Variants in IDO2 observed in about 807,000 individuals in gnomAD.
IDO2 encodes indoleamine 2,3-dioxygenase-like 1 protein.
Under a neutral mutation model 45.1 loss-of-function variants are expected in IDO2, and 46 were observed. The observed-to-expected ratio is 1.02, with a 90% CI of 0.80 to 1.30. IDO2 has a LOEUF of 1.30. Ranked by LOEUF, IDO2 falls within the 50% of genes most tolerant of loss-of-function variation. The pLI is 0.00. For synonymous variants in IDO2, 218 were observed against 184.9 expected, an observed-to-expected ratio of 1.18 and a Z score of -1.45; for missense variants, 544 against 491.8, an observed-to-expected ratio of 1.11 and a Z score of -1.00.
At chr8:39,943,667 G>A (rs1807683810) in intron 1 of IDO2, among the ~76,000 whole-genome samples, 1 of 150,316 alleles carries the variant, frequency 6.7e-6, no homozygotes, top group Non-Finnish European at 1.5e-5. Flanking sequence ...AACCCCGGGG[G>A]GCGGAGCCTG....
chr8:39,970,564 G>T (rs972573817), intron 3 of IDO2, among the ~76,000 whole-genome samples: 22 of 152,136 alleles, frequency 1.4e-4, no homozygotes, highest in African/African-American at 4.6e-4. Context: ...ACTAATTTTT[G>T]TATCTTTGGT....
chr8:39,985,499 T>C lies in IDO2; in HGVS notation c.435-9T>C, dbSNP rs774134044. 17 of 1,563,050 alleles carry C rather than the reference T, an allele frequency of 1.1e-5. No individual in the cohort carries two copies. The highest frequency in any genetic ancestry group is 1.5e-5 in the Non-Finnish European group (17 of 1,152,200). ...TCTTGGTGGTCATCAATAACTGAAA[T>C]TGGGCTAGATTCCTGGAAATTGGGT... On this transcript the variant is annotated splice_polypyrimidine_tract_variant and intron_variant, in intron 5 of 10. Transcript: ENST00000502986.
At chr8:39,984,541 T>C (rs2129594575) in intron 5 of IDO2, among the ~76,000 whole-genome samples, 1 of 152,010 alleles carries the variant, frequency 6.6e-6, no homozygotes, top group African/African-American at 2.4e-5. Context: ...GGAGTAAGAG[T>C]GAAGGGCTAG....
intron 1 of IDO2, among the ~76,000 whole-genome samples, chr8:39,945,553 CA>C (rs2129593150): frequency 6.6e-6 from 1 of 152,208 alleles, no homozygotes; most frequent in East Asian, 1.9e-4. Flanking sequence ...TGTTTGATAC[CA>C]GGGGTAGAGG....
chr8:39,976,614 C>T (rs1163097664), intron 3 of IDO2, among the ~76,000 whole-genome samples: 1 of 152,148 alleles, frequency 6.6e-6, no homozygotes, highest in Non-Finnish European at 1.5e-5. Flanking sequence ...ATAGTGCAAA[C>T]ATGTTGCCCT....
chr8:39,987,639 T>A (rs1182941885), intron 6 of IDO2: 1 of 486,076 alleles, frequency 2.1e-6, no homozygotes, highest in Admixed American at 3.2e-5. Context: ...AGGGCCATGC[T>A]AGACATTGGG....
rs192007253 is a variant in IDO2, at chr8:40,001,694, A to T, written c.668-3633A>T. 3.9e-4 allele frequency among the ~76,000 whole-genome samples: 59 copies of T among 152,184 alleles called. 1 individual carries two copies. Among genetic ancestry groups the T allele is most frequent in the Admixed American group, 3.8e-3 (58 of 15,270 alleles). On this transcript the variant is annotated intron_variant, in intron 8 of 10. Transcript: ENST00000502986. ...ATGCCTTTTGAAAGTAAAAGTTCTTAATTTAAATATAGCCAACCTGTAAAT... is the reference window on the plus strand; with the variant it reads ...ATGCCTTTTGAAAGTAAAAGTTCTTTATTTAAATATAGCCAACCTGTAAAT...
At chr8:39,962,111 CT>C (rs1447752046) in intron 2 of IDO2, among the ~76,000 whole-genome samples, 5 of 152,200 alleles carry the variant, frequency 3.3e-5, no homozygotes, top group African/African-American at 1.2e-4. Flanking sequence ...ATGTAGTTTA[CT>C]GTCCCTTGGG....
chr8:40,006,757 T>G (rs1053406182), intron 9 of IDO2, among the ~76,000 whole-genome samples: 2 of 152,080 alleles, frequency 1.3e-5, no homozygotes, highest in African/African-American at 4.8e-5. Context: ...GCCTCCTGGA[T>G]TCAAACTACT....
rs1473418537 is a variant in IDO2 at position 40,009,516 on chromosome 8, A to G, written c.720-4049A>G. 3.3e-5 allele frequency among the ~76,000 whole-genome samples: 5 copies of G among 152,124 alleles called. No homozygotes were observed. The South Asian group carries it at 8.3e-4, about 25-fold the overall frequency. On this transcript the variant is annotated intron_variant, in intron 9 of 10. Coordinates refer to ENST00000502986, the Ensembl canonical transcript of IDO2. The stretch of plus-strand genomic sequence containing the variant: ...CTTGGGGTTGCTAGAAAGTTGCTAC[A>G]AGAAAGGCTAAAAATAATTGTGCCT...
chr8:39,965,685 TA>T (rs1808074403), intron 3 of IDO2, among the ~76,000 whole-genome samples: 1 of 152,052 alleles, frequency 6.6e-6, no homozygotes, highest in Non-Finnish European at 1.5e-5. Context: ...AGTGTCCTTA[TA>T]AGAAGAGGAA....
intron 4 of IDO2, among the ~76,000 whole-genome samples, chr8:39,980,211 A>T (rs762373379): frequency 3.9e-5 from 6 of 152,218 alleles, no homozygotes; most frequent in African/African-American, 7.2e-5. Context: ...ATAATCCTGT[A>T]AAGTAACAAG....
chr8:39,949,140 T>C lies in IDO2; in HGVS notation c.-17-9T>C, dbSNP rs1414336955. The C allele has an allele frequency of 1.3e-6, 2 of 1,592,804 alleles. No individual in the cohort carries two copies. The highest frequency in any genetic ancestry group is 1.1e-5 in the South Asian group (1 of 87,740). ...AACAATTGATTCTTCAGTGACACTT[T>C]CCATGCAGATACTTCAAACAAAATA... On this transcript the variant is annotated splice_polypyrimidine_tract_variant and intron_variant, in intron 1 of 10. Transcript: ENST00000502986.
chr8:39,988,997 T>A (rs1808463643), intron 7 of IDO2, among the ~76,000 whole-genome samples: 1 of 152,072 alleles, frequency 6.6e-6, no homozygotes, highest in Non-Finnish European at 1.5e-5. Flanking sequence ...TGTGTATTAG[T>A]CCATTTTCAC....
At chr8:40,004,675 A>G (rs1285709876) in intron 8 of IDO2, among the ~76,000 whole-genome samples, 1 of 125,882 alleles carries the variant, frequency 7.9e-6, no homozygotes, top group Admixed American at 8.3e-5. Flanking sequence ...CGTGAAAACA[A>G]TAGAACAACC....
chr8:39,977,385 T>C (rs945424434), intron 3 of IDO2, among the ~76,000 whole-genome samples: 1 of 152,252 alleles, frequency 6.6e-6, no homozygotes, highest in Non-Finnish European at 1.5e-5. Flanking sequence ...CTGGTTCTTG[T>C]TAAAAAGCAA....
chr8:40,002,079 C>G (rs1229068816), intron 8 of IDO2, among the ~76,000 whole-genome samples: 1 of 152,194 alleles, frequency 6.6e-6, no homozygotes, highest in Non-Finnish European at 1.5e-5. Flanking sequence ...AACCACCATG[C>G]CTGGCCCATA....
chr8:39,987,812 A>C lies in IDO2; in HGVS notation c.450-59A>C, dbSNP rs1440669804. 3.1e-6 allele frequency: 3 copies of C among 969,614 alleles called. No individual in the cohort carries two copies. In the Admixed American group the frequency reaches 6.4e-5, roughly 21 times the overall value. 60.1% of individuals were successfully genotyped at this position (969,614 alleles called of 1,614,324 possible). On this transcript the variant is annotated intron_variant, in intron 6 of 10. Coordinates refer to ENST00000502986, the Ensembl canonical transcript of IDO2. ...TCTAACTCGGCAGGGAACTCTGGGCAGTGAGTACTCACGGTACAGTCTCCA... is the reference window on the plus strand; with the variant it reads ...TCTAACTCGGCAGGGAACTCTGGGCCGTGAGTACTCACGGTACAGTCTCCA...
chr8:39,983,636 G>T (rs1011464309), intron 5 of IDO2, among the ~76,000 whole-genome samples: 1 of 152,268 alleles, frequency 6.6e-6, no homozygotes, highest in East Asian at 1.9e-4. Context: ...GGCTGAGGCA[G>T]GTGGATCATC....
Sources: allele counts gnomAD v4.1 joint callset (sites outside exome capture counted in the v4.1 genomes callset), GRCh38; gene constraint gnomAD v4.1.1; transcripts MANE v1.5; gene names NCBI Gene and HGNC (gene_info 2026-07-23, HGNC 2026-07-21).